Variants in ZNF699 observed in about 807,000 individuals in gnomAD.
ZNF699 encodes zinc finger protein 699.
A neutral mutation model predicts 22.5 loss-of-function variants in ZNF699; 18 were observed. The ratio of observed to expected loss-of-function variants is 0.80; its 90% confidence interval spans 0.55 to 1.19. The LOEUF is 1.19. ZNF699 is among the 50% of genes most tolerant of loss of function. The pLI, the probability that ZNF699 is intolerant of heterozygous loss-of-function variation, is 0.00. For synonymous variants in ZNF699, 241 were observed against 262.3 expected (o/e 0.92, Z 0.78); for missense variants, 670 against 763.4 (o/e 0.88, Z 1.44).
At chr19:9,306,351 C>A (rs934315273) in intron 1 of ZNF699, among the ~76,000 whole-genome samples, 2 of 150,880 alleles carry the variant, frequency 1.3e-5, no homozygotes, top group African/African-American at 4.9e-5. Context: ...GAGATTGCGC[C>A]ACTGTACTCC....
At chr19:9,301,481 T>C (rs1455720202) in intron 3 of ZNF699, among the ~76,000 whole-genome samples, 3 of 152,164 alleles carry the variant, frequency 2.0e-5, no homozygotes, top group East Asian at 1.9e-4. Flanking sequence ...CCAGAAATGC[T>C]GTGAAGGAAA....
At chr19:9,309,048 C>T (rs147905407) in intron 1 of ZNF699, among the ~76,000 whole-genome samples, 2,483 of 152,080 alleles carry the variant, frequency 0.016, 57 homozygotes, top group African/African-American at 0.057. Context: ...CTCTGTTGCC[C>T]AGGCTGGAGT....
intron 1 of ZNF699, among the ~76,000 whole-genome samples, chr19:9,307,830 C>T (rs375393723): frequency 2.0e-5 from 3 of 151,914 alleles, no homozygotes; most frequent in East Asian, 3.9e-4. Flanking sequence ...TGCCTGTAAT[C>T]GCCACTACTT....
rs1403932130 is a variant in ZNF699 at position 9,297,445 on chromosome 19, A to G, written c.321T>C (p.Val107=). ...FETQLKTNES[V]ASQDICGEKI... ...TTTCTCCACAAATATCTTGTGAAGC[A>G]ACTGATTCATTAGTTTTAAGTTGAG... The change falls in exon 5 of 6, where the codon GTT becomes GTC. Residue 107 remains valine (V), a synonymous_variant. Transcript: ENST00000591998. This position sits in a 1 kb window ranked among gnomAD's most constrained non-coding sequence, Gnocchi z 4.3. The G allele has an allele frequency of 1.3e-6, 2 of 1,585,646 alleles. No individual in the cohort carries two copies. The highest frequency in any genetic ancestry group is 2.3e-5 in the East Asian group (1 of 44,102).
chr19:9,300,589 T>C (rs754630540), intron 3 of ZNF699, among the ~76,000 whole-genome samples: 18 of 152,070 alleles, frequency 1.2e-4, no homozygotes, highest in Non-Finnish European at 2.2e-4. Context: ...ATCCAGACAA[T>C]AGAATATTAG....
rs1201105227 is a variant in ZNF699, at chr19:9,296,810, A to G, written c.594T>C (p.His198=). ...GATCCACGAAGGCCTTTCCACACTC[A>G]TGGCATTCACAGGATTTTACTTCAG... ...RNTEVKSCEC[H]ECGKAFVDHS... Residue 198 remains histidine, a synonymous_variant, in exon 6 of 6, where the codon CAT becomes CAC. Coordinates refer to ENST00000591998, the MANE Select transcript of ZNF699 (RefSeq NM_198535.3). The G allele has an allele frequency of 5.0e-6, 8 of 1,614,086 alleles. No individual in the cohort carries two copies. Among genetic ancestry groups the G allele is most frequent in the East Asian group, 2.2e-5 (1 of 44,898 alleles).
intron 3 of ZNF699, among the ~76,000 whole-genome samples, chr19:9,302,122 G>T (rs1015089555): frequency 2.0e-5 from 3 of 151,990 alleles, no homozygotes; most frequent in Non-Finnish European, 4.4e-5. Flanking sequence ...GGCTGGTATC[G>T]AACTCCTGAC....
chr19:9,301,311 G>C (rs1364522185), intron 3 of ZNF699, among the ~76,000 whole-genome samples: 2 of 152,102 alleles, frequency 1.3e-5, no homozygotes, highest in Non-Finnish European at 2.9e-5. Flanking sequence ...ACACAGGCAA[G>C]AAGGAGAAGG....
rs760552314 is a variant in ZNF699 at position 9,296,951 on chromosome 19, C to T, written c.471-18G>A. 3 of 1,523,520 alleles carry T rather than the reference C, an allele frequency of 2.0e-6. No individual in the cohort carries two copies. The African/African-American group carries it at 4.2e-5, about 21-fold the overall frequency. The allele number at this position is 1,523,520 out of a possible 1,614,324, so 94.4% of individuals were successfully genotyped here. On this transcript the variant is annotated intron_variant, in intron 5 of 5. Coordinates refer to ENST00000591998, the MANE Select transcript of ZNF699 (RefSeq NM_198535.3). ...TATGATTTCTTTTAAAAATAAAAGA[C>T]ACATTATTAGTAATAAATTTCTACC...
Position 9,291,862 on chromosome 19 carries a change from C to G in ZNF699, c.*3613G>C, listed in dbSNP as rs2066266712. 1 of 152,108 alleles carries G rather than the reference C, an allele frequency of 6.6e-6. No individual in the cohort carries two copies. The highest frequency in any genetic ancestry group is 2.4e-5 in the African/African-American group (1 of 41,364). 9.4% of individuals were successfully genotyped at this position (152,108 alleles called of 1,614,324 possible). A position where few individuals can be genotyped will look rare whatever the true frequency, so the allele number is the denominator to read the frequency against. On this transcript the variant is annotated 3_prime_UTR_variant, in exon 6 of 6. Transcript: ENST00000591998. ...AGCTGAGATTATAGGCACAGGCCAC[C>G]ACGCCTGGCTAATTTTTTTAGTACA...
Position 9,309,409 on chromosome 19 carries a change from G to A in ZNF699, c.-65C>T, listed in dbSNP as rs2144987752. The A allele has an allele frequency of 6.6e-6, 1 of 152,434 alleles. No homozygotes were observed. The highest frequency in any genetic ancestry group is 2.4e-5 in the African/African-American group (1 of 41,578). The allele number at this position is 152,434 out of a possible 1,614,324, so 9.4% of individuals were successfully genotyped here. A position where few individuals can be genotyped will look rare whatever the true frequency, so the allele number is the denominator to read the frequency against. ...GAACGAGGCTGAAGCGCTTGTCCTT[G>A]AGACACGAATGGCAGAGATGCTCTT... On this transcript the variant is annotated 5_prime_UTR_variant, in exon 1 of 6. Coordinates refer to ENST00000591998, the MANE Select transcript of ZNF699 (RefSeq NM_198535.3).
At chr19:9,301,135 AAAAG>A (rs902528877) in intron 3 of ZNF699, among the ~76,000 whole-genome samples, 5 of 142,458 alleles carry the variant, frequency 3.5e-5, no homozygotes, top group African/African-American at 1.5e-4. Context: ...CTACAAAAAA[AAAAG>A]AGAGAGAGAG....
At chr19:9,308,330 A>C (rs570645785) in intron 1 of ZNF699, among the ~76,000 whole-genome samples, 8 of 152,274 alleles carry the variant, frequency 5.3e-5, no homozygotes, top group African/African-American at 1.7e-4. Context: ...ACAACAAAAA[A>C]AAAATGAACA....
chr19:9,291,974 T>A lies in ZNF699; in HGVS notation c.*3501A>T, dbSNP rs2066267116. On this transcript the variant is annotated 3_prime_UTR_variant, in exon 6 of 6. Coordinates refer to ENST00000591998, the MANE Select transcript of ZNF699 (RefSeq NM_198535.3). ...ACCTCGGCCTCCCAAAGTGCTGGGA[T>A]TATAGGCATGAGCCACTGTGCCTGG... 6.6e-6 allele frequency among the ~76,000 whole-genome samples: 1 copy of A among 152,130 alleles called. No individual in the cohort carries two copies. Among genetic ancestry groups the A allele is most frequent in the Non-Finnish European group, 1.5e-5 (1 of 68,020 alleles).
At chr19:9,307,873 G>A (rs1332851345) in intron 1 of ZNF699, among the ~76,000 whole-genome samples, 1 of 151,710 alleles carries the variant, frequency 6.6e-6, no homozygotes, top group East Asian at 1.9e-4. Flanking sequence ...TTTGAACCCA[G>A]GAGGCAGAGG....
At chr19:9,308,490 GA>G (rs200115432) in intron 1 of ZNF699, among the ~76,000 whole-genome samples, 5 of 151,496 alleles carry the variant, frequency 3.3e-5, no homozygotes, top group Admixed American at 1.3e-4. Flanking sequence ...AGTAATTAAA[GA>G]AAAAAAAATC....
intron 2 of ZNF699, among the ~76,000 whole-genome samples, chr19:9,304,675 C>T (rs890672122): frequency 1.3e-5 from 2 of 152,200 alleles, no homozygotes; most frequent in Admixed American, 6.5e-5. Flanking sequence ...CCTGTAATCC[C>T]AGCACTTTGG....
At chr19:9,300,406 C>T (rs973622093) in intron 3 of ZNF699, among the ~76,000 whole-genome samples, 3 of 152,166 alleles carry the variant, frequency 2.0e-5, no homozygotes, top group Non-Finnish European at 4.4e-5. Flanking sequence ...ATTAAACATC[C>T]TCTTACCATA....
chr19:9,299,701 C>T (rs977119574), intron 3 of ZNF699, among the ~76,000 whole-genome samples: 2 of 151,972 alleles, frequency 1.3e-5, no homozygotes, highest in Non-Finnish European at 2.9e-5. Flanking sequence ...CTCTGAAAGA[C>T]AATGTCAACA....
Sources: gnomAD v4.1 joint callset for allele counts (sites outside exome capture counted in the v4.1 genomes callset) on GRCh38, gnomAD v4.1.1 for gene constraint, Gnocchi (gnomAD v3.1) non-coding constraint, MANE v1.5 for transcripts, NCBI Gene and HGNC (gene_info 2026-07-23, HGNC 2026-07-21) for gene names.